The following GALNTL6 variants were observed in gnomAD, a reference collection of about 807,000 sequenced individuals.
The protein encoded by GALNTL6 is polypeptide N-acetylgalactosaminyltransferase-like 6.
A neutral mutation model predicts 73.7 loss-of-function variants in GALNTL6; 46 were observed. The ratio of observed to expected loss-of-function variants is 0.62; its 90% CI spans 0.49 to 0.80. GALNTL6 has a LOEUF of 0.80. GALNTL6 is among the 30% of genes least tolerant of loss of function. The probability of loss-of-function intolerance (pLI) is 0.00; values close to 1 mark genes in which losing one functional copy is unlikely to be tolerated. For missense variants in GALNTL6, 604 were observed against 755.0 expected (o/e 0.80, Z 2.34); for synonymous variants, 259 against 263.7 (o/e 0.98, Z 0.17).
intron 5 of GALNTL6, among the ~76,000 whole-genome samples, chr4:172,673,879 G>A (rs976954215): frequency 6.6e-6 from 1 of 152,044 alleles, no homozygotes; most frequent in Non-Finnish European, 1.5e-5. Flanking sequence ...ATGTGAGGTG[G>A]GTCTCTTGAA....
intron 2 of GALNTL6, 93 bp downstream of exon 2, chr4:171,814,811 G>A (rs1277650619): frequency 7.6e-7 from 1 of 1,322,540 alleles, no homozygotes; most frequent in Admixed American, 1.9e-5. Flanking sequence ...ATCGCCTTGG[G>A]TTTTCCCCCA....
At chr4:172,571,346 A>C (rs2110949708) in intron 5 of GALNTL6, among the ~76,000 whole-genome samples, 1 of 152,344 alleles carries the variant, frequency 6.6e-6, no homozygotes, top group Admixed American at 6.5e-5. Context: ...AACCCTGCAC[A>C]GATCTTTGAA....
chr4:171,926,951 G>A (rs1026123329), intron 2 of GALNTL6, among the ~76,000 whole-genome samples: 5 of 151,948 alleles, frequency 3.3e-5, no homozygotes. Flanking sequence ...CGCCCTTAAA[G>A]ATCTCCTTTG....
intron 2 of GALNTL6, among the ~76,000 whole-genome samples, chr4:171,821,876 T>C (rs750283250): frequency 2.6e-5 from 4 of 151,996 alleles, no homozygotes; most frequent in African/African-American, 4.8e-5. Flanking sequence ...TTTCTTAACA[T>C]TTTGGATTTC....
chr4:172,869,121 T>G (rs1198333769), intron 7 of GALNTL6, among the ~76,000 whole-genome samples: 2 of 152,200 alleles, frequency 1.3e-5, no homozygotes, highest in African/African-American at 4.8e-5. Flanking sequence ...CATAGAGCTA[T>G]CTTTAAAAAG....
At chr4:172,055,656 T>C (rs1443072123) in intron 2 of GALNTL6, among the ~76,000 whole-genome samples, 1 of 152,122 alleles carries the variant, frequency 6.6e-6, no homozygotes, top group East Asian at 1.9e-4. Flanking sequence ...CCTGCTAGGC[T>C]TTAAGCTGAG....
At chr4:171,983,464 TTTTATTTATTTATTTATTTA>T (rs3081370) in intron 2 of GALNTL6, among the ~76,000 whole-genome samples, 3 of 141,072 alleles carry the variant, frequency 2.1e-5, no homozygotes, top group African/African-American at 5.3e-5. Flanking sequence ...GGCATCTTGA[TTTTATTTATTTATTTATTTA>T]TTTATTTATT....
intron 7 of GALNTL6, among the ~76,000 whole-genome samples, chr4:172,818,756 G>A (rs1396954714): frequency 6.6e-6 from 1 of 152,096 alleles, no homozygotes; most frequent in Non-Finnish European, 1.5e-5. Flanking sequence ...ACGCCACCAT[G>A]CCTGGCTAAT....
intron 2 of GALNTL6, among the ~76,000 whole-genome samples, chr4:172,188,394 A>G: frequency 6.6e-6 from 1 of 152,178 alleles, no homozygotes; most frequent in South Asian, 2.1e-4. Flanking sequence ...CACATATTTG[A>G]GCATTTATTT....
intron 2 of GALNTL6, among the ~76,000 whole-genome samples, chr4:172,005,911 C>G (rs138192400): frequency 3.3e-4 from 51 of 152,274 alleles, no homozygotes; most frequent in South Asian, 1.2e-3. Flanking sequence ...TTTGGTTCAC[C>G]TTTTCTTCAA....
At chr4:172,598,036 CTG>C (rs1475009701) in intron 5 of GALNTL6, among the ~76,000 whole-genome samples, 4 of 151,844 alleles carry the variant, frequency 2.6e-5, no homozygotes, top group Non-Finnish European at 5.9e-5. Flanking sequence ...TGTCAAATAA[CTG>C]GATCTGTCAC....
chr4:171,954,484 TAAG>T (rs1738984665), intron 2 of GALNTL6, among the ~76,000 whole-genome samples: 1 of 152,170 alleles, frequency 6.6e-6, no homozygotes. Flanking sequence ...GCAAATTACG[TAAG>T]AATACAGATG....
intron 5 of GALNTL6, among the ~76,000 whole-genome samples, chr4:172,796,276 G>A (rs1423021261): frequency 6.6e-6 from 1 of 152,100 alleles, no homozygotes; most frequent in African/African-American, 2.4e-5. Flanking sequence ...CTGACACATA[G>A]TCACTGGCGT....
chr4:172,198,624 T>C (rs1735855382), intron 2 of GALNTL6, among the ~76,000 whole-genome samples: 1 of 152,172 alleles, frequency 6.6e-6, no homozygotes, highest in African/African-American at 2.4e-5. Flanking sequence ...CTTTATCACT[T>C]AGCAGGAAAA....
intron 5 of GALNTL6, among the ~76,000 whole-genome samples, chr4:172,444,042 A>C (rs901230860): frequency 6.6e-6 from 1 of 152,232 alleles, no homozygotes; most frequent in East Asian, 1.9e-4. Flanking sequence ...AATCGAGGCA[A>C]GAGCCAGTAA....
At chr4:172,840,689 A>ATATATAGATG (rs2111081232) in intron 7 of GALNTL6, among the ~76,000 whole-genome samples, 1 of 152,304 alleles carries the variant, frequency 6.6e-6, no homozygotes, top group East Asian at 1.9e-4. Flanking sequence ...ATGACACACA[A>ATATATAGATG]TATATAGATG....
chr4:172,474,826 G>A (rs1055077025), intron 5 of GALNTL6, among the ~76,000 whole-genome samples: 1 of 152,154 alleles, frequency 6.6e-6, no homozygotes, highest in African/African-American at 2.4e-5. Flanking sequence ...ATAAAAGACA[G>A]CTGTTCTATT....
At chr4:172,446,816 A>T (rs922059511) in intron 5 of GALNTL6, among the ~76,000 whole-genome samples, 2 of 152,164 alleles carry the variant, frequency 1.3e-5, no homozygotes, top group Non-Finnish European at 2.9e-5. Context: ...GCCCAGGAAG[A>T]ACCCCTAAAC....
At chr4:172,738,814 A>G (rs10034494) in intron 5 of GALNTL6, among the ~76,000 whole-genome samples, 54,588 of 152,008 alleles carry the variant, frequency 0.36, 10,855 homozygotes, top group African/African-American at 0.52. Flanking sequence ...TGGTCCAGAA[A>G]GGTGAGACAA....
Sources: gnomAD v4.1 joint callset for allele counts (sites outside exome capture counted in the v4.1 genomes callset) on GRCh38, gnomAD v4.1.1 for gene constraint, MANE v1.5 for transcripts, NCBI Gene and HGNC (gene_info 2026-07-23, HGNC 2026-07-21) for gene names.